Variants in SLC35F3 observed in about 807,000 individuals in gnomAD.
SLC35F3 encodes the protein solute carrier family 35 member F3.
A neutral mutation model predicts 49.9 loss-of-function variants in SLC35F3; 25 were observed. The ratio of observed to expected loss-of-function variants is 0.50; its 90% CI spans 0.37 to 0.70. The LOEUF (loss-of-function observed/expected upper bound fraction) is 0.70. Ranked by LOEUF, SLC35F3 falls within the 30% of genes least tolerant of loss-of-function variation. The pLI, the probability that SLC35F3 is intolerant of heterozygous loss-of-function variation, is 0.00. For synonymous variants in SLC35F3, 275 were observed against 265.4 expected, an observed-to-expected ratio of 1.04 and a Z score of -0.35; for missense variants, 525 against 639.8, an observed-to-expected ratio of 0.82 and a Z score of 1.94.
At chr1:233,938,521 G>T (rs1002408999) in intron 2 of SLC35F3, among the ~76,000 whole-genome samples, 1 of 152,204 alleles carries the variant, frequency 6.6e-6, no homozygotes, top group Non-Finnish European at 1.5e-5. Flanking sequence ...CAAAGGGATG[G>T]ATGCTAGAGA....
intron 3 of SLC35F3, among the ~76,000 whole-genome samples, chr1:234,279,398 C>G (rs12045858): frequency 0.062 from 9,393 of 152,206 alleles, 354 homozygotes; most frequent in African/African-American, 0.1. Context: ...AGGGGGCACA[C>G]AAATTTAGTC....
intron 3 of SLC35F3, among the ~76,000 whole-genome samples, chr1:234,293,325 C>A (rs1283622134): frequency 1.3e-5 from 2 of 152,168 alleles, no homozygotes; most frequent in African/African-American, 2.4e-5. Flanking sequence ...GGGGTGCAAG[C>A]CTGAGTCTAG....
At chr1:234,016,761 A>G (rs1355374718) in intron 2 of SLC35F3, among the ~76,000 whole-genome samples, 5 of 152,230 alleles carry the variant, frequency 3.3e-5, no homozygotes, top group Admixed American at 2.6e-4. Flanking sequence ...TACAAATACT[A>G]TAGTCTATTT....
intron 2 of SLC35F3, among the ~76,000 whole-genome samples, chr1:234,002,890 C>G (rs936857717): frequency 6.6e-6 from 1 of 152,180 alleles, no homozygotes; most frequent in Non-Finnish European, 1.5e-5. Flanking sequence ...TGAGCTACAA[C>G]CTGACACTAT....
At chr1:234,025,257 G>A (rs1338005628) in intron 2 of SLC35F3, among the ~76,000 whole-genome samples, 1 of 152,316 alleles carries the variant, frequency 6.6e-6, no homozygotes. Flanking sequence ...CTTTGTTATT[G>A]TAAATAGTGC....
intron 2 of SLC35F3, among the ~76,000 whole-genome samples, chr1:233,951,862 A>G (rs1305030631): frequency 1.3e-5 from 2 of 152,246 alleles, no homozygotes; most frequent in East Asian, 1.9e-4. Context: ...ATGAACCACC[A>G]TGCCCAGCTA....
chr1:234,188,064 C>T (rs879173856), intron 2 of SLC35F3, among the ~76,000 whole-genome samples: 1 of 151,984 alleles, frequency 6.6e-6, no homozygotes, highest in African/African-American at 2.4e-5. Flanking sequence ...AGTGAAACCC[C>T]GTCTCTACTA....
chr1:234,139,610 G>A (rs377005654), intron 2 of SLC35F3, among the ~76,000 whole-genome samples: 9 of 152,000 alleles, frequency 5.9e-5, no homozygotes, highest in South Asian at 2.1e-4. Context: ...CAAGTTGCCC[G>A]TGGTCAAGTG....
intron 3 of SLC35F3, among the ~76,000 whole-genome samples, chr1:234,270,856 C>A (rs57508017): frequency 0.099 from 15,094 of 152,204 alleles, 927 homozygotes; most frequent in African/African-American, 0.16. Flanking sequence ...TGTAGTGGCC[C>A]AGGAGAGGCA....
rs1216493814 is a variant in SLC35F3, at chr1:233,905,128, C to A, written c.51C>A (p.Ala17=). The A allele has an allele frequency of 1.3e-6, 2 of 1,557,132 alleles. No homozygotes were observed. Among genetic ancestry groups the A allele is most frequent in the Non-Finnish European group, 8.7e-7 (1 of 1,149,502 alleles). ...PSGAPRGKSI[A]VGMRRSPDVS... is the part of the protein sequence containing the mutation. ...GCGCACCCAGGGGCAAGAGCATTGCCGTGTGAGTAGCGCCCCGGGCGTGGG... is the reference window on the plus strand; with the variant it reads ...GCGCACCCAGGGGCAAGAGCATTGCAGTGTGAGTAGCGCCCCGGGCGTGGG... Residue 17 remains alanine, a splice_region_variant and synonymous_variant, in exon 1 of 8, where the codon GCC becomes GCA. Transcript: ENST00000366618.
chr1:234,240,118 A>T (rs1667530456), intron 3 of SLC35F3, among the ~76,000 whole-genome samples: 1 of 152,222 alleles, frequency 6.6e-6, no homozygotes, highest in Admixed American at 6.5e-5. Flanking sequence ...TCATAAAGTG[A>T]TGATGATGAT....
At chr1:234,052,275 T>C (rs968469753) in intron 2 of SLC35F3, among the ~76,000 whole-genome samples, 2 of 152,216 alleles carry the variant, frequency 1.3e-5, no homozygotes, top group Non-Finnish European at 2.9e-5. Flanking sequence ...TCCTGGACTT[T>C]TTTTGTTGGT....
At chr1:234,055,440 G>A (rs775176000) in intron 2 of SLC35F3, among the ~76,000 whole-genome samples, 9 of 152,212 alleles carry the variant, frequency 5.9e-5, no homozygotes, top group Non-Finnish European at 1.2e-4. Flanking sequence ...CTCCATGGGC[G>A]TGGGACCCTC....
chr1:234,277,209 G>A (rs187165957), intron 3 of SLC35F3, among the ~76,000 whole-genome samples: 253 of 152,330 alleles, frequency 1.7e-3, no homozygotes, highest in African/African-American at 5.4e-3. Flanking sequence ...TGTGGCCGGC[G>A]GTAGGTTGGG....
Position 233,914,257 on chromosome 1 carries a change from G to C in SLC35F3, c.283+8499G>C, listed in dbSNP as rs1661932302. Among the ~76,000 whole-genome samples, 2 of 152,196 alleles carry C rather than the reference G, an allele frequency of 1.3e-5. 1 individual carries two copies. Among genetic ancestry groups the C allele is most frequent in the South Asian group, 4.1e-4 (2 of 4,834 alleles). On this transcript the variant is annotated intron_variant, in intron 2 of 7. Coordinates refer to ENST00000366618, the MANE Select transcript of SLC35F3 (RefSeq NM_173508.4). The stretch of plus-strand genomic sequence containing the variant: ...GTCTAGTCTGACAGAGCGGTCTATT[G>C]AGTGGAGGAGGCTAGTCTGTCTCCC...
Position 234,272,847 on chromosome 1 carries a change from G to T in SLC35F3, c.609-36254G>T, listed in dbSNP as rs533800492. Among the ~76,000 whole-genome samples, 809 of 152,228 alleles carry T rather than the reference G, an allele frequency of 5.3e-3. 7 individuals are homozygous for T. Among genetic ancestry groups the T allele is most frequent in the Middle Eastern group, 0.041 (12 of 294 alleles). ...TTTGTTGTTCTCTTGCCTGGCTGCTGCTTCTCCCAGCCAGTGTGGACAGCA... is the reference window on the plus strand; with the variant it reads ...TTTGTTGTTCTCTTGCCTGGCTGCTTCTTCTCCCAGCCAGTGTGGACAGCA... On this transcript the variant is annotated intron_variant, in intron 3 of 7. Transcript: ENST00000366618.
At chr1:234,010,663 A>G (rs1464091951) in intron 2 of SLC35F3, among the ~76,000 whole-genome samples, 3 of 152,118 alleles carry the variant, frequency 2.0e-5, no homozygotes, top group Non-Finnish European at 4.4e-5. Flanking sequence ...GTCCCCTACT[A>G]TTATAACATT....
At chr1:234,057,550 T>C (rs1205810435) in intron 2 of SLC35F3, among the ~76,000 whole-genome samples, 3 of 152,250 alleles carry the variant, frequency 2.0e-5, no homozygotes, top group Non-Finnish European at 4.4e-5. Context: ...GTGGATTTCT[T>C]AGGACTTTCT....
intron 2 of SLC35F3, among the ~76,000 whole-genome samples, chr1:233,933,152 G>C (rs1662272402): frequency 6.6e-6 from 1 of 151,876 alleles, no homozygotes; most frequent in African/African-American, 2.4e-5. Flanking sequence ...AGATGACAAA[G>C]GAGGCAGAAG....
Sources: gnomAD v4.1 joint callset for allele counts (sites outside exome capture counted in the v4.1 genomes callset) on GRCh38, gnomAD v4.1.1 for gene constraint, MANE v1.5 for transcripts, NCBI Gene and HGNC (gene_info 2026-07-23, HGNC 2026-07-21) for gene names.